CADPS: variants seen among roughly 807,000 people sequenced by gnomAD.
CADPS encodes the protein calcium dependent secretion activator.
In CADPS, 57 loss-of-function variants were observed where a neutral mutation model predicts 167.3. That is an observed-to-expected ratio of 0.34 (90% confidence interval 0.28 to 0.42). CADPS has a LOEUF of 0.42. CADPS is among the 20% of genes least tolerant of loss of function. The probability of loss-of-function intolerance (pLI) is 1.00; values close to 1 mark genes in which losing one functional copy is unlikely to be tolerated. For synonymous variants in CADPS, 676 were observed against 635.3 expected, an observed-to-expected ratio of 1.06 and a Z score of -0.96; for missense variants, 1,414 against 1,738.1, an observed-to-expected ratio of 0.81 and a Z score of 3.32.
intron 14 of CADPS, among the ~76,000 whole-genome samples, chr3:62,516,916 A>G (rs1472320368): frequency 6.6e-6 from 1 of 152,110 alleles, no homozygotes; most frequent in Non-Finnish European, 1.5e-5. Context: ...TTAGATTTCT[A>G]TTGTGAAGGA....
intron 6 of CADPS, among the ~76,000 whole-genome samples, chr3:62,619,755 G>T (rs1217520063): frequency 5.3e-5 from 8 of 152,098 alleles, no homozygotes; most frequent in Non-Finnish European, 4.4e-5. Flanking sequence ...AGTTTTTGTT[G>T]TACTATTTGT....
chr3:62,697,569 G>A (rs921157436), intron 3 of CADPS, among the ~76,000 whole-genome samples: 2 of 152,090 alleles, frequency 1.3e-5, no homozygotes, highest in African/African-American at 2.4e-5. Context: ...ATAAACATAC[G>A]TGTGCAAGCG....
intron 6 of CADPS, among the ~76,000 whole-genome samples, chr3:62,617,941 G>T (rs1221101236): frequency 6.6e-6 from 1 of 152,060 alleles, no homozygotes; most frequent in African/African-American, 2.4e-5. Flanking sequence ...ATTCTTCTTT[G>T]GGACTACCTC....
In CADPS at chr3:62,420,883, C is replaced by G. The variant is rs2051175016; in HGVS notation, c.3777+17221G>C. ...ACGAACACACACACACACACACACACACACACACACACACACACAGGCACA... is the reference window on the plus strand; with the variant it reads ...ACGAACACACACACACACACACACAGACACACACACACACACACAGGCACA... On this transcript the variant is annotated intron_variant, in intron 28 of 29. Transcript: ENST00000383710. This position sits in a 1 kb window ranked among gnomAD's most constrained non-coding sequence, Gnocchi z 4.1. 1.5e-5 allele frequency among the ~76,000 whole-genome samples: 2 copies of G among 132,580 alleles called. No individual in the cohort carries two copies. Among genetic ancestry groups the G allele is most frequent in the African/African-American group, 6.4e-5 (2 of 31,446 alleles). 87.0% of individuals were successfully genotyped at this position (132,580 alleles called of 152,430 possible).
rs78367935 is a variant in CADPS, at chr3:62,803,294, G to T, written c.442-37310C>A. On this transcript the variant is annotated intron_variant, in intron 1 of 29. Coordinates refer to ENST00000383710, the MANE Select transcript of CADPS (RefSeq NM_003716.4). ...ATTAAAGAGCCTGTAAGACATTAAG[G>T]TAGGGGCATTACTGAATAATGGCAT... 7.5e-4 allele frequency among the ~76,000 whole-genome samples: 114 copies of T among 151,244 alleles called. 1 individual carries two copies. The highest frequency in any genetic ancestry group is 1.0e-3 in the Non-Finnish European group (71 of 67,916).
At chr3:62,809,108 C>T (rs2094265709) in intron 1 of CADPS, among the ~76,000 whole-genome samples, 1 of 152,200 alleles carries the variant, frequency 6.6e-6, no homozygotes, top group Non-Finnish European at 1.5e-5. Context: ...TGCACTGCTG[C>T]CACTTGAATC....
chr3:62,449,798 A>AGTGTGT (rs71786216), intron 26 of CADPS, among the ~76,000 whole-genome samples: 6,787 of 150,490 alleles, frequency 0.045, 171 homozygotes, highest in African/African-American at 0.073. Flanking sequence ...TTGTTAAAAG[A>AGTGTGT]GTGTGTGTGT....
chr3:62,532,788 G>T, intron 13 of CADPS, 83 bp downstream of exon 13: 1 of 1,248,168 alleles, frequency 8.0e-7, no homozygotes, highest in Non-Finnish European at 1.1e-6. Context: ...AAGACAGGCA[G>T]ATCCTAAAAG....
At chr3:62,854,428 T>C (rs946884174) in intron 1 of CADPS, among the ~76,000 whole-genome samples, 1 of 130,370 alleles carries the variant, frequency 7.7e-6, no homozygotes, top group African/African-American at 4.0e-5. Context: ...AAGCTTCAAA[T>C]CACTTCTCTG....
At chr3:62,425,870 C>T (rs950977830) in intron 28 of CADPS, among the ~76,000 whole-genome samples, 6 of 152,208 alleles carry the variant, frequency 3.9e-5, no homozygotes, top group South Asian at 2.1e-4. Flanking sequence ...ACTCCTGCCT[C>T]TTTCGCCTCC....
At chr3:62,844,714 C>T (rs986778127) in intron 1 of CADPS, among the ~76,000 whole-genome samples, 1 of 152,106 alleles carries the variant, frequency 6.6e-6, no homozygotes, top group South Asian at 2.1e-4. Flanking sequence ...CACACTAATG[C>T]GATTGGGAAA....
At chr3:62,532,805 T>C (rs1577324399) in intron 13 of CADPS, 66 bp downstream of exon 13, 1 of 1,461,852 alleles carries the variant, frequency 6.8e-7, no homozygotes, top group East Asian at 2.3e-5. Flanking sequence ...AAAGCAAGAC[T>C]AGCCATAAAC....
At chr3:62,689,302 T>A (rs1432935350) in intron 3 of CADPS, among the ~76,000 whole-genome samples, 5 of 152,056 alleles carry the variant, frequency 3.3e-5, no homozygotes, top group Non-Finnish European at 7.4e-5. Context: ...AACATTTTCC[T>A]TATAAGAGGA....
chr3:62,481,881 A>T lies in CADPS; in HGVS notation c.3027-12T>A, dbSNP rs1246042596. 8 of 1,602,672 alleles carry T rather than the reference A, an allele frequency of 5.0e-6. No homozygotes were observed. The highest frequency in any genetic ancestry group is 6.8e-6 in the Non-Finnish European group (8 of 1,176,004). On this transcript the variant is annotated splice_polypyrimidine_tract_variant and intron_variant, in intron 21 of 29. Transcript: ENST00000383710. ...TACTGGTTAAACTCCTGTGGAAGAA[A>T]CAGACAGAAAGAAAAAATACCATCA... is the stretch of plus-strand genomic sequence containing the variant.
At chr3:62,461,303 T>A (rs1403827096) in intron 26 of CADPS, among the ~76,000 whole-genome samples, 2 of 152,230 alleles carry the variant, frequency 1.3e-5, no homozygotes, top group Non-Finnish European at 2.9e-5. Context: ...ATAACCATCA[T>A]CATATTACAC....
chr3:62,672,899 G>A (rs922449306), intron 3 of CADPS, among the ~76,000 whole-genome samples: 2 of 152,156 alleles, frequency 1.3e-5, no homozygotes, highest in Non-Finnish European at 2.9e-5. Flanking sequence ...ACAGATGTGA[G>A]CCACTGCACC....
intron 1 of CADPS, among the ~76,000 whole-genome samples, chr3:62,797,708 A>G (rs1428314943): frequency 6.6e-6 from 1 of 152,062 alleles, no homozygotes; most frequent in Non-Finnish European, 1.5e-5. Flanking sequence ...AAAAATAACT[A>G]ACGGGTACTA....
intron 11 of CADPS, among the ~76,000 whole-genome samples, chr3:62,543,165 C>G (rs963426308): frequency 6.6e-6 from 1 of 152,046 alleles, no homozygotes; most frequent in Non-Finnish European, 1.5e-5. Flanking sequence ...AAGTGATTTA[C>G]TTTTACAGTG....
At chr3:62,808,847 C>A (rs2094248467) in intron 1 of CADPS, among the ~76,000 whole-genome samples, 1 of 152,106 alleles carries the variant, frequency 6.6e-6, no homozygotes, top group Non-Finnish European at 1.5e-5. Flanking sequence ...TGGTGGAGTA[C>A]AATATGCATT....
Sources: gnomAD v4.1 joint callset for allele counts (sites outside exome capture counted in the v4.1 genomes callset) on GRCh38, gnomAD v4.1.1 for gene constraint, Gnocchi (gnomAD v3.1) non-coding constraint, MANE v1.5 for transcripts, NCBI Gene and HGNC (gene_info 2026-07-23, HGNC 2026-07-21) for gene names.